PCNA: variants seen among roughly 807,000 people sequenced by gnomAD.
PCNA encodes the protein proliferating cell nuclear antigen.
PCNA carries 4 observed loss-of-function variants against 27.8 expected under a neutral mutation model. The ratio of observed to expected loss-of-function variants is 0.14; its 90% CI spans 0.07 to 0.33. The LOEUF (loss-of-function observed/expected upper bound fraction) is 0.33, where lower values mean the gene tolerates loss of function less well. Ranked by LOEUF, PCNA falls within the 10% of genes least tolerant of loss-of-function variation. The probability of loss-of-function intolerance (pLI) is 1.00; values close to 1 mark genes in which losing one functional copy is unlikely to be tolerated. For missense variants in PCNA, 165 were observed against 327.4 expected (o/e 0.50, Z 3.83); for synonymous variants, 121 against 119.4 (o/e 1.01, Z -0.09).
At position 5,119,873 on chromosome 20, in the gene PCNA, C is replaced by T. The variant is rs1479433252; in HGVS notation, c.-75G>A. On this transcript the variant is annotated 5_prime_UTR_variant, in exon 1 of 6. Coordinates refer to ENST00000379143, the MANE Select transcript of PCNA (RefSeq NM_182649.2). ...GTCTAGCTGGTTTCGGCTTCAGGAG[C>T]CTCAGAGCGAGCGGGCGAACGTCGC... 8.2e-7 allele frequency: 1 copy of T among 1,218,998 alleles called. No homozygotes were observed. Among genetic ancestry groups the T allele is most frequent in the Admixed American group, 2.0e-5 (1 of 49,438 alleles). 75.5% of individuals were successfully genotyped at this position (1,218,998 alleles called of 1,614,324 possible).
In PCNA at chr20:5,119,567, G is replaced by A. The variant is rs375580697; in HGVS notation, c.221+11C>T. 7.5e-6 allele frequency: 12 copies of A among 1,604,280 alleles called. No individual in the cohort carries two copies. The highest frequency in any genetic ancestry group is 2.7e-5 in the African/African-American group (2 of 74,774). ...GGGCCGGGGCCGGCTTCCCGGGGCC[G>A]CGAGGCTCACCTGGTGAGGTTCACG... On this transcript the variant is annotated intron_variant, in intron 1 of 5. Coordinates refer to ENST00000379143, the MANE Select transcript of PCNA (RefSeq NM_182649.2).
intron 1 of PCNA, 26 bp downstream of exon 1, chr20:5,119,552 C>CG (rs755303774): frequency 1.3e-6 from 2 of 1,590,680 alleles, no homozygotes; most frequent in East Asian, 4.5e-5. Flanking sequence ...GGGCCGGGGC[C>CG]GGCTTCCCGG....
At chr20:5,117,098 C>G (rs1202310458) in intron 4 of PCNA, among the ~76,000 whole-genome samples, 3 of 152,194 alleles carry the variant, frequency 2.0e-5, no homozygotes, top group Non-Finnish European at 2.9e-5. Flanking sequence ...AACAGGTAGA[C>G]TTTTACTCCT....
At position 5,119,622 on chromosome 20, in the gene PCNA, G is replaced by A. The variant is rs760997503; in HGVS notation, c.177C>T (p.Thr59=). 3.1e-6 allele frequency: 5 copies of A among 1,613,764 alleles called. No homozygotes were observed. In the South Asian group the frequency reaches 3.3e-5, roughly 11 times the overall value. ...QLTLRSEGFD[T]YRCDRNLAMG... ...TGGCCAGGTTGCGGTCGCAGCGGTA[G>A]GTGTCGAAGCCCTCAGACCGCAGGG... Residue 59 remains threonine (T), a synonymous_variant, in exon 1 of 6, where the codon ACC becomes ACT. Coordinates refer to ENST00000379143, the MANE Select transcript of PCNA (RefSeq NM_182649.2).
chr20:5,120,782 G>C (rs2090513577), upstream of PCNA, among the ~76,000 whole-genome samples: 1 of 152,054 alleles, frequency 6.6e-6, no homozygotes, highest in Non-Finnish European at 1.5e-5. Flanking sequence ...GAGTCAAAGA[G>C]CGTACACATT....
At chr20:5,120,632 C>A (rs1490057020), upstream of PCNA, among the ~76,000 whole-genome samples, 1 of 151,800 alleles carries the variant, frequency 6.6e-6, no homozygotes, top group African/African-American at 2.4e-5. Flanking sequence ...CCACGTACAT[C>A]TTTTATCATA....
At chr20:5,118,705 G>A in intron 2 of PCNA, 28 bp from the exon 3 acceptor site, 1 of 1,608,980 alleles carries the variant, frequency 6.2e-7, no homozygotes. Context: ...ATGCTTTTGA[G>A]AAATACTGAC....
upstream of PCNA, chr20:5,121,384 T>TC (rs2090516658): frequency 7.2e-6 from 1 of 139,204 alleles, no homozygotes; most frequent in Admixed American, 7.4e-5. Flanking sequence ...TGCCTTTCTT[T>TC]CCTTTTTTTT....
chr20:5,123,402 T>C (rs147337885), upstream of PCNA, among the ~76,000 whole-genome samples: 1 of 152,218 alleles, frequency 6.6e-6, no homozygotes, highest in East Asian at 1.9e-4. Context: ...ATAAAAGCTG[T>C]AGACTTTTCT....
intron 1 of PCNA, 83 bp from the exon 2 acceptor site, chr20:5,118,949 A>G (rs572032993): frequency 3.5e-6 from 3 of 861,952 alleles, no homozygotes; most frequent in Middle Eastern, 2.3e-4. Flanking sequence ...AGGGGTTACC[A>G]CTCTCACCCA....
upstream of PCNA, among the ~76,000 whole-genome samples, chr20:5,123,694 C>CAA (rs79962697): frequency 1.0e-4 from 9 of 87,554 alleles, no homozygotes; most frequent in East Asian, 3.5e-4. Context: ...ACCTCCATCT[C>CAA]AAAAAAAAAA....
chr20:5,125,698 C>T (rs2090543390), intron 1 of PCNA, among the ~76,000 whole-genome samples: 1 of 152,164 alleles, frequency 6.6e-6, no homozygotes, highest in African/African-American at 2.4e-5. Flanking sequence ...TTAATAAATG[C>T]AGGCAGGCAG....
chr20:5,122,935 G>A (rs923515271), upstream of PCNA, among the ~76,000 whole-genome samples: 25 of 152,184 alleles, frequency 1.6e-4, no homozygotes, highest in African/African-American at 5.1e-4. Flanking sequence ...ATGATAAAGA[G>A]GTGTACAGTT....
At chr20:5,120,193 G>A (rs1422282367), upstream of PCNA, among the ~76,000 whole-genome samples, 3 of 152,270 alleles carry the variant, frequency 2.0e-5, no homozygotes, top group East Asian at 1.9e-4. Flanking sequence ...CCGGGCATAT[G>A]TGGAGATCGG....
At position 5,115,489 on chromosome 20, in the gene PCNA, A is replaced by C; in HGVS notation, c.666T>G (p.Ser222=). 6.2e-7 allele frequency: 1 copy of C among 1,614,054 alleles called. No homozygotes were observed. Among genetic ancestry groups the C allele is most frequent in the Non-Finnish European group, 8.5e-7 (1 of 1,179,892 alleles). The change falls in exon 5 of 6, where the codon TCT becomes TCG. Residue 222 remains serine (S), a synonymous_variant. Transcript: ENST00000379143. ...CAGACATACTGAGTGTCACCGTTGA[A>C]GAGAGTGGAGTGGCTTTTGTAAAGA... ...LNFFTKATPL[S]STVTLSMSAD...
chr20:5,117,414 T>C, intron 4 of PCNA, 56 bp downstream of exon 4: 1 of 1,172,902 alleles, frequency 8.5e-7, no homozygotes, highest in South Asian at 1.5e-5. Context: ...ATTAACCTAA[T>C]AAGCAGTATT....
intron 3 of PCNA, 118 bp downstream of exon 3, chr20:5,118,492 C>T (rs2090491871): frequency 1.4e-6 from 1 of 709,990 alleles, no homozygotes; most frequent in South Asian, 1.7e-5. Context: ...TATGGCACTA[C>T]TGCACTCCAG....
chr20:5,116,564 T>C lies in PCNA; in HGVS notation c.582+906A>G, dbSNP rs575737867. ...CACACACAGCATATGCTAAGCTCTTTAATGCTACCGTATTTAATCCTAACA... is the reference window on the plus strand; with the variant it reads ...CACACACAGCATATGCTAAGCTCTTCAATGCTACCGTATTTAATCCTAACA... On this transcript the variant is annotated intron_variant, in intron 4 of 5. Transcript: ENST00000379143. 1.2e-4 allele frequency among the ~76,000 whole-genome samples: 18 copies of C among 152,360 alleles called. 1 individual carries two copies. In the South Asian group the frequency reaches 3.7e-3, roughly 32 times the overall value.
intron 1 of PCNA, among the ~76,000 whole-genome samples, chr20:5,119,347 C>T (rs2090499164): frequency 6.6e-6 from 1 of 151,670 alleles, no homozygotes; most frequent in African/African-American, 2.4e-5. Context: ...CTTGATTTTC[C>T]CGCCACCACC....
Sources: allele counts gnomAD v4.1 joint callset (sites outside exome capture counted in the v4.1 genomes callset), GRCh38; gene constraint gnomAD v4.1.1; transcripts MANE v1.5; gene names NCBI Gene and HGNC (gene_info 2026-07-23, HGNC 2026-07-21).